The following NEMF variants were observed in gnomAD, a reference collection of about 807,000 sequenced individuals.
The protein encoded by NEMF is nuclear export mediator factor, also known as ribosome quality control complex subunit NEMF.
Under a neutral mutation model 162.2 loss-of-function variants are expected in NEMF, and 89 were observed. That is an observed-to-expected ratio of 0.55 (90% CI 0.46 to 0.65). The LOEUF (loss-of-function observed/expected upper bound fraction) is 0.65. Among genes scored for constraint, NEMF ranks in the 30% least tolerant of loss-of-function variants. The probability of loss-of-function intolerance (pLI) is 0.00; values close to 1 mark genes in which losing one functional copy is unlikely to be tolerated. For missense variants in NEMF, 1,133 were observed against 1,261.9 expected (o/e 0.90, Z 1.55); for synonymous variants, 421 against 404.5 (o/e 1.04, Z -0.49).
At chr14:49,851,691 T>A (rs1245677898) in intron 2 of NEMF, 26 bp from the exon 3 acceptor site, 1 of 1,591,808 alleles carries the variant, frequency 6.3e-7, no homozygotes, top group Non-Finnish European at 8.6e-7. Flanking sequence ...GTCGAATTTT[T>A]CTTTAGGGTA....
At chr14:49,791,201 GGC>G (rs1890430078) in intron 26 of NEMF, among the ~76,000 whole-genome samples, 1 of 151,788 alleles carries the variant, frequency 6.6e-6, no homozygotes, top group Non-Finnish European at 1.5e-5. Flanking sequence ...TGGGTGTGGT[GGC>G]GTGTGCCTGT....
intron 3 of NEMF, 139 bp from the exon 4 acceptor site, chr14:49,846,404 T>C (rs1196982556): frequency 2.6e-5 from 19 of 717,378 alleles, no homozygotes; most frequent in Non-Finnish European, 3.9e-5. Flanking sequence ...CATAAAGTAA[T>C]AGATTGCAGA....
intron 3 of NEMF, among the ~76,000 whole-genome samples, chr14:49,849,139 C>G (rs1002078373): frequency 6.6e-6 from 1 of 152,146 alleles, no homozygotes; most frequent in Non-Finnish European, 1.5e-5. Flanking sequence ...ATGACCTATA[C>G]TGATTTGATT....
intron 15 of NEMF, among the ~76,000 whole-genome samples, chr14:49,826,962 G>A (rs74496085): frequency 0.012 from 1,902 of 152,246 alleles, 15 homozygotes; most frequent in Non-Finnish European, 0.019. Context: ...TCCAGGTAGA[G>A]AGAACAGCAA....
Position 49,789,509 on chromosome 14 carries a change from A to C in NEMF, c.2684T>G (p.Met895Arg). Residue 895 changes from methionine to arginine, a missense_variant, in exon 27 of 33, where the codon ATG (methionine) becomes AGG (arginine). Met to Arg is a moderately conservative substitution (Grantham distance 91). Around this residue, in one of 3 missense-constraint regions of NEMF, gnomAD observed 532 missense variants for 578.6 expected, o/e 0.92. Coordinates refer to ENST00000298310, the MANE Select transcript of NEMF (RefSeq NM_004713.6). Reference protein sequence around the residue: ...DQDEEDRELIMKLLGSAGSNK... With the variant: ...DQDEEDRELIRKLLGSAGSNK... ...GATGTTATTTACCCCCAGCAACTTC[A>C]TGATAAGTTCACGGTCTTCTTCATC... 6.2e-7 allele frequency: 1 copy of C among 1,612,294 alleles called. No homozygotes were observed. The highest frequency in any genetic ancestry group is 8.5e-7 in the Non-Finnish European group (1 of 1,179,636).
At chr14:49,822,499 C>T (rs3100918) in intron 16 of NEMF, among the ~76,000 whole-genome samples, 117,523 of 150,064 alleles carry the variant, frequency 0.78, 46,496 homozygotes, top group East Asian at 0.98. Context: ...CCAACATGGG[C>T]AACAGAGCTA....
intron 16 of NEMF, 86 bp from the exon 17 acceptor site, chr14:49,814,943 C>T: frequency 1.4e-6 from 1 of 734,920 alleles, no homozygotes; most frequent in Non-Finnish European, 2.2e-6. Flanking sequence ...AAACAGGAAG[C>T]TATTTAAGAC....
intron 7 of NEMF, chr14:49,834,137 C>G: frequency 1.7e-6 from 1 of 596,110 alleles, no homozygotes; most frequent in South Asian, 1.6e-5. Context: ...GTTGCTCAGG[C>G]TGGAGTGCAG....
At chr14:49,818,181 G>A (rs1363267205) in intron 16 of NEMF, 2 of 150,016 alleles carry the variant, frequency 1.3e-5, no homozygotes, top group Non-Finnish European at 2.9e-5. Context: ...TCCGCCTTCT[G>A]GGTTCACGCC....
rs186484938 is a variant in NEMF at position 49,790,212 on chromosome 14, A to T, written c.2620-639T>A. On this transcript the variant is annotated intron_variant, in intron 26 of 32. Transcript: ENST00000298310. Reference sequence around the variant, plus strand: ...GATACATCAGACTCAATTAGAATTTAAAAATGCTACTCATCAAAAAAGACT... The same window carrying T: ...GATACATCAGACTCAATTAGAATTTTAAAATGCTACTCATCAAAAAAGACT... Among the ~76,000 whole-genome samples, 56 of 152,342 alleles carry T rather than the reference A, an allele frequency of 3.7e-4. No homozygotes were observed. The East Asian group carries it at 5.0e-3, about 14-fold the overall frequency.
intron 28 of NEMF, 73 bp downstream of exon 28, chr14:49,789,073 G>A: frequency 8.4e-7 from 1 of 1,188,652 alleles, no homozygotes; most frequent in Admixed American, 1.9e-5. Context: ...AGCACTGAAA[G>A]TCCCATGTCC....
intron 1 of NEMF, 105 bp from the exon 2 acceptor site, chr14:49,851,980 G>A: frequency 2.9e-6 from 2 of 683,776 alleles, no homozygotes; most frequent in South Asian, 2.1e-5. Context: ...AGTCTCTAAG[G>A]ATATGGAGTC....
intron 19 of NEMF, among the ~76,000 whole-genome samples, chr14:49,804,493 T>C (rs1891096458): frequency 6.6e-6 from 1 of 151,002 alleles, no homozygotes; most frequent in African/African-American, 2.4e-5. Flanking sequence ...CTGGCTAAGA[T>C]GGTGAAACCC....
intron 3 of NEMF, among the ~76,000 whole-genome samples, chr14:49,847,127 G>A (rs527443296): frequency 2.7e-5 from 4 of 150,696 alleles, no homozygotes; most frequent in Admixed American, 1.3e-4. Flanking sequence ...CTCGTGATCC[G>A]CCCACCTCAG....
At chr14:49,797,078 G>A (rs936551741) in intron 25 of NEMF, among the ~76,000 whole-genome samples, 3 of 152,156 alleles carry the variant, frequency 2.0e-5, no homozygotes, top group Non-Finnish European at 4.4e-5. Context: ...GGACTCAAAA[G>A]CTTCTTGAAG....
chr14:49,831,446 CTTTTT>C (rs1238745730), intron 10 of NEMF, 85 bp from the exon 11 acceptor site: 15 of 640,676 alleles, frequency 2.3e-5, no homozygotes, highest in Non-Finnish European at 3.8e-5. Flanking sequence ...TTTTTTTTTT[CTTTTT>C]TTTTGAGACA....
chr14:49,819,392 C>CATAT (rs10596408), intron 16 of NEMF, among the ~76,000 whole-genome samples: 11 of 147,480 alleles, frequency 7.5e-5, no homozygotes, highest in African/African-American at 2.7e-4. Context: ...TATTATAGAC[C>CATAT]ATATATATAT....
chr14:49,846,188 A>G lies in NEMF; in HGVS notation c.309T>C (p.Phe103=). 2 of 1,613,808 alleles carry G rather than the reference A, an allele frequency of 1.2e-6. No individual in the cohort carries two copies. The highest frequency in any genetic ancestry group is 2.2e-5 in the South Asian group (2 of 91,072). The change falls in exon 4 of 33, where the codon TTT becomes TTC. Residue 103 remains phenylalanine, a synonymous_variant. Transcript: ENST00000298310. ...AATGGTAAGCAGCTTCATCACTTCC[A>G]AATTGAAAATCTACAATTCTATCCA... is the stretch of plus-strand genomic sequence containing the variant. ...LGVDRIVDFQ[F]GSDEAAYHLI... is the part of the protein sequence containing the mutation.
At chr14:49,840,991 C>T in intron 4 of NEMF, 125 bp from the exon 5 acceptor site, 5 of 706,640 alleles carry the variant, frequency 7.1e-6, no homozygotes, top group Non-Finnish European at 1.1e-5. Context: ...GAGGTCAGGA[C>T]TTTGAGACCA....
Sources: gnomAD v4.1 joint callset for allele counts (sites outside exome capture counted in the v4.1 genomes callset) on GRCh38, gnomAD v4.1.1 for gene constraint, gnomAD v4.1.1 regional missense constraint, MANE v1.5 for transcripts, NCBI Gene and HGNC (gene_info 2026-07-23, HGNC 2026-07-21) for gene names.